CNTN5: variants seen among roughly 807,000 people sequenced by gnomAD.
The protein encoded by CNTN5 is contactin 5, also known as contactin-5.
Under a neutral mutation model 129.1 loss-of-function variants are expected in CNTN5, and 77 were observed. The observed-to-expected ratio is 0.60, with a 90% CI of 0.50 to 0.72. CNTN5 has a LOEUF of 0.72. Among genes scored for constraint, CNTN5 ranks in the 30% least tolerant of loss-of-function variants. The pLI, the probability that CNTN5 is intolerant of heterozygous loss-of-function variation, is 0.00. For missense variants in CNTN5, 1,478 were observed against 1,328.8 expected (o/e 1.11, Z -1.75); for synonymous variants, 509 against 465.6 (o/e 1.09, Z -1.20).
At chr11:100,347,106 G>A (rs1263823927) in intron 23 of CNTN5, among the ~76,000 whole-genome samples, 4 of 152,078 alleles carry the variant, frequency 2.6e-5, no homozygotes, top group African/African-American at 9.7e-5. Context: ...AGAGATATGG[G>A]TGAGAACACA....
chr11:99,766,458 G>A (rs188389936), intron 3 of CNTN5, among the ~76,000 whole-genome samples: 68 of 152,026 alleles, frequency 4.5e-4, no homozygotes, highest in Non-Finnish European at 7.8e-4. Context: ...ATAGGCTTGG[G>A]AAGATTATGG....
intron 3 of CNTN5, among the ~76,000 whole-genome samples, chr11:99,805,840 A>G (rs1408171921): frequency 2.0e-5 from 3 of 152,224 alleles, no homozygotes; most frequent in Non-Finnish European, 4.4e-5. Context: ...AAAGGAGAGG[A>G]AAAATGTCAC....
At chr11:99,055,588 A>G (rs956656798) in intron 1 of CNTN5, among the ~76,000 whole-genome samples, 1 of 151,934 alleles carries the variant, frequency 6.6e-6, no homozygotes, top group Admixed American at 6.6e-5. Context: ...GACCCCTGAC[A>G]ATCCCATTTT....
intron 2 of CNTN5, among the ~76,000 whole-genome samples, chr11:99,448,006 C>G (rs978930454): frequency 6.6e-6 from 1 of 152,064 alleles, no homozygotes; most frequent in Non-Finnish European, 1.5e-5. Context: ...GAGAAAATCT[C>G]TAAAATTAGC....
intron 13 of CNTN5, among the ~76,000 whole-genome samples, chr11:100,149,500 G>A (rs1252161504): frequency 1.3e-5 from 2 of 152,098 alleles, no homozygotes; most frequent in Admixed American, 6.5e-5. Flanking sequence ...TAAAGGAAAA[G>A]TGTTTGCTTT....
At position 99,192,185 on chromosome 11, in the gene CNTN5, GA is replaced by G. The variant is rs540544791; in HGVS notation, c.-209-133152del. On this transcript the variant is annotated intron_variant, in intron 1 of 24. Coordinates refer to ENST00000524871, the MANE Select transcript of CNTN5 (RefSeq NM_014361.4). ...AAAGAAGACAAATAAAATCTGAATT[GA>G]AAAAAAAATTACAATGGAAACCACA... is the stretch of plus-strand genomic sequence containing the variant. 9.9e-4 allele frequency among the ~76,000 whole-genome samples: 148 copies of G among 149,572 alleles called. No homozygotes were observed. In the South Asian group the frequency reaches 0.013, roughly 13 times the overall value.
chr11:99,181,445 A>G (rs1858059644), intron 1 of CNTN5, among the ~76,000 whole-genome samples: 1 of 152,206 alleles, frequency 6.6e-6, no homozygotes, highest in Non-Finnish European at 1.5e-5. Context: ...GTATTGGCAT[A>G]TCCATCCAGA....
At chr11:100,094,858 T>G (rs529582363) in intron 13 of CNTN5, among the ~76,000 whole-genome samples, 24 of 151,936 alleles carry the variant, frequency 1.6e-4, no homozygotes, top group Non-Finnish European at 2.6e-4. Context: ...CCATTTATGC[T>G]TGTTTGAGGA....
chr11:99,873,098 C>CG (rs1948544707), intron 6 of CNTN5, among the ~76,000 whole-genome samples: 1 of 214 alleles, frequency 4.7e-3, no homozygotes, highest in Non-Finnish European at 7.9e-3. Flanking sequence ...AACTGCCACC[C>CG]AGGCAGGAGC....
intron 1 of CNTN5, among the ~76,000 whole-genome samples, chr11:99,034,168 T>C (rs1486304900): frequency 6.6e-6 from 1 of 152,200 alleles, no homozygotes; most frequent in Non-Finnish European, 1.5e-5. Context: ...GGATTCGGTT[T>C]GCCAGTATTT....
intron 3 of CNTN5, among the ~76,000 whole-genome samples, chr11:99,712,444 T>C (rs1163613717): frequency 2.0e-5 from 3 of 152,196 alleles, no homozygotes; most frequent in Non-Finnish European, 4.4e-5. Context: ...TTCACTTTGC[T>C]GATAGTTTCT....
chr11:99,262,981 G>A (rs1374502036), intron 1 of CNTN5, among the ~76,000 whole-genome samples: 1 of 151,982 alleles, frequency 6.6e-6, no homozygotes, highest in African/African-American at 2.4e-5. Flanking sequence ...CTTTCCCTAT[G>A]TCAAAATGAA....
chr11:100,037,484 A>C (rs1341634869), intron 9 of CNTN5, among the ~76,000 whole-genome samples: 1 of 152,056 alleles, frequency 6.6e-6, no homozygotes, highest in Non-Finnish European at 1.5e-5. Flanking sequence ...TGGCCTCATA[A>C]AATGAGTTAG....
At chr11:99,122,361 A>G (rs1004971691) in intron 1 of CNTN5, among the ~76,000 whole-genome samples, 1 of 152,284 alleles carries the variant, frequency 6.6e-6, no homozygotes, top group East Asian at 1.9e-4. Context: ...TTGTATTAAT[A>G]AACAATACAT....
chr11:100,136,798 A>T (rs974427761), intron 13 of CNTN5, among the ~76,000 whole-genome samples: 1 of 151,810 alleles, frequency 6.6e-6, no homozygotes, highest in Non-Finnish European at 1.5e-5. Context: ...TAAAAAAAAA[A>T]AATAAAGTAA....
chr11:99,107,639 A>T (rs1867060346), intron 1 of CNTN5, among the ~76,000 whole-genome samples: 2 of 152,076 alleles, frequency 1.3e-5, no homozygotes, highest in Non-Finnish European at 2.9e-5. Flanking sequence ...AATGGATCTT[A>T]AACTAGTGTC....
intron 6 of CNTN5, among the ~76,000 whole-genome samples, chr11:99,882,855 C>G (rs1283484646): frequency 1.3e-5 from 2 of 152,116 alleles, no homozygotes; most frequent in Non-Finnish European, 2.9e-5. Context: ...CCCATGTCCT[C>G]TTTATTCCCC....
chr11:99,338,481 G>A (rs1172685103), intron 2 of CNTN5, among the ~76,000 whole-genome samples: 1 of 152,134 alleles, frequency 6.6e-6, no homozygotes, highest in East Asian at 1.9e-4. Flanking sequence ...TTACGGCAGA[G>A]AACAGTTGTT....
intron 2 of CNTN5, among the ~76,000 whole-genome samples, chr11:99,415,504 G>T (rs1225663876): frequency 6.6e-6 from 1 of 152,042 alleles, no homozygotes; most frequent in Non-Finnish European, 1.5e-5. Context: ...TTTATTTATG[G>T]CCAGCTGTTA....
Sources: allele counts gnomAD v4.1 joint callset (sites outside exome capture counted in the v4.1 genomes callset), GRCh38; gene constraint gnomAD v4.1.1; transcripts MANE v1.5; gene names NCBI Gene and HGNC (gene_info 2026-07-23, HGNC 2026-07-21).